FAM178B: variants seen among roughly 807,000 people sequenced by gnomAD.
FAM178B encodes the protein family with sequence similarity 178 member B, also known as protein FAM178B.
In FAM178B, 82 loss-of-function variants were observed where a neutral mutation model predicts 91.7. The ratio of observed to expected loss-of-function variants is 0.89; its 90% CI spans 0.75 to 1.07. The LOEUF is 1.07. Ranked by LOEUF, FAM178B falls within the 50% of genes least tolerant of loss-of-function variation. FAM178B has a pLI of 0.00. For synonymous variants in FAM178B, 368 were observed against 359.4 expected (o/e 1.02, Z -0.27); for missense variants, 769 against 846.7 (o/e 0.91, Z 1.14).
At chr2:96,944,661 T>C (rs1020659698) in intron 8 of FAM178B, among the ~76,000 whole-genome samples, 2 of 152,218 alleles carry the variant, frequency 1.3e-5, no homozygotes, top group Non-Finnish European at 2.9e-5. Flanking sequence ...TCTGAATTCC[T>C]TGTCATGTGA....
intron 14 of FAM178B, among the ~76,000 whole-genome samples, chr2:96,885,705 C>T (rs1031215820): frequency 6.6e-6 from 1 of 152,198 alleles, no homozygotes; most frequent in African/African-American, 2.4e-5. Context: ...TGGCTTCCTG[C>T]TGGTGGGGGT....
Position 96,972,305 on chromosome 2 carries a change from T to C in FAM178B, c.160A>G (p.Thr54Ala), listed in dbSNP as rs912299275. The C allele has an allele frequency of 1.4e-6, 2 of 1,466,010 alleles. No homozygotes were observed. The highest frequency in any genetic ancestry group is 1.4e-5 in the African/African-American group (1 of 70,202). The allele number at this position is 1,466,010 out of a possible 1,614,324, so 90.8% of individuals were successfully genotyped here. A position where few individuals can be genotyped will look rare whatever the true frequency, so the allele number is the denominator to read the frequency against. Reference sequence around the variant, plus strand: ...AGGTTGTACAGGAGGATGGGCACGGTGGCGGCAGCCTGCACCCCTGCAGAC... The same window carrying C: ...AGGTTGTACAGGAGGATGGGCACGGCGGCGGCAGCCTGCACCCCTGCAGAC... ...PLREGVQAAATVPILLYNLED... is the reference protein window; with the variant it reads ...PLREGVQAAAAVPILLYNLED... The change falls in exon 3 of 17, where the codon ACC (threonine) becomes GCC (alanine). Residue 54 changes from threonine (T) to alanine (A), a missense_variant. Coordinates refer to ENST00000490605, the MANE Select transcript of FAM178B (RefSeq NM_001122646.3).
At chr2:96,877,083 G>C (rs979794631) in intron 16 of FAM178B, among the ~76,000 whole-genome samples, 1 of 152,134 alleles carries the variant, frequency 6.6e-6, no homozygotes, top group African/African-American at 2.4e-5. Context: ...GGGGTTGTGT[G>C]GGTTCTTGAG....
At chr2:96,935,785 CA>C (rs1418189890) in intron 8 of FAM178B, among the ~76,000 whole-genome samples, 1 of 151,616 alleles carries the variant, frequency 6.6e-6, no homozygotes, top group Admixed American at 6.6e-5. Flanking sequence ...AGGCATGCAC[CA>C]CCACGCCTGG....
chr2:96,900,539 T>C (rs1471577114), intron 13 of FAM178B, among the ~76,000 whole-genome samples: 2 of 151,974 alleles, frequency 1.3e-5, no homozygotes, highest in African/African-American at 2.4e-5. Context: ...AAAACACAGA[T>C]GCTGAGCAAA....
chr2:96,910,330 C>T (rs959159591), intron 12 of FAM178B, among the ~76,000 whole-genome samples: 5 of 152,136 alleles, frequency 3.3e-5, no homozygotes, highest in Non-Finnish European at 4.4e-5. Context: ...GCCGTCCCAC[C>T]GGGGAGACGG....
chr2:96,909,245 C>T (rs906981101), intron 12 of FAM178B, among the ~76,000 whole-genome samples: 1 of 152,182 alleles, frequency 6.6e-6, no homozygotes, highest in African/African-American at 2.4e-5. Context: ...GCCACACCCC[C>T]AATAAGTGTT....
At chr2:96,970,603 C>T (rs1355184773) in intron 4 of FAM178B, 113 bp downstream of exon 4, 1 of 788,322 alleles carries the variant, frequency 1.3e-6, no homozygotes. Flanking sequence ...ACAGGGCAGG[C>T]TGAGTCTGGG....
intron 8 of FAM178B, among the ~76,000 whole-genome samples, chr2:96,945,078 CTCTT>C (rs1350200857): frequency 1.3e-5 from 2 of 152,220 alleles, no homozygotes; most frequent in Non-Finnish European, 2.9e-5. Context: ...CCCTGATCCT[CTCTT>C]TGCCATCTAG....
chr2:96,971,397 A>C (rs1271767108), intron 3 of FAM178B, among the ~76,000 whole-genome samples: 1 of 150,696 alleles, frequency 6.6e-6, no homozygotes, highest in Non-Finnish European at 1.5e-5. Flanking sequence ...GCTGAAACCC[A>C]TTCTTAGAAT....
Position 96,877,974 on chromosome 2 carries a change from C to T in FAM178B, c.1923G>A (p.Gln641=), listed in dbSNP as rs1435444256. The change falls in exon 16 of 17, where the codon CAG becomes CAA. Residue 641 remains glutamine, a synonymous_variant. Coordinates refer to ENST00000490605, the MANE Select transcript of FAM178B (RefSeq NM_001122646.3). ...HISTQIRESP[Q]AMHRTMLKDL... Reference sequence around the variant, plus strand: ...CCTTGAGCATGGTGCGGTGCATGGCCTGGGGGCTCTCCCGGATCTGCGTGC... The same window carrying T: ...CCTTGAGCATGGTGCGGTGCATGGCTTGGGGGCTCTCCCGGATCTGCGTGC... 3 of 1,613,628 alleles carry T rather than the reference C, an allele frequency of 1.9e-6. No homozygotes were observed. The Admixed American group carries it at 5.0e-5, about 27-fold the overall frequency.
chr2:96,878,186 G>A, intron 15 of FAM178B, 144 bp from the exon 16 acceptor site: 1 of 960,438 alleles, frequency 1.0e-6, no homozygotes, highest in Non-Finnish European at 1.6e-6. Flanking sequence ...GGAGGATGGG[G>A]CCAGCACAAC....
intron 1 of FAM178B, among the ~76,000 whole-genome samples, chr2:96,975,094 C>CTAA (rs2082272502): frequency 1.8e-5 from 1 of 56,270 alleles, no homozygotes; most frequent in Non-Finnish European, 2.7e-5. Flanking sequence ...GACTCTGTCT[C>CTAA]AAAAAAAAAA....
At chr2:96,974,109 G>A (rs558478176) in intron 1 of FAM178B, among the ~76,000 whole-genome samples, 56 of 151,962 alleles carry the variant, frequency 3.7e-4, no homozygotes, top group Non-Finnish European at 6.9e-4. Context: ...GGGGCTGGGC[G>A]CAGTGGCTCA....
intron 14 of FAM178B, among the ~76,000 whole-genome samples, chr2:96,884,476 G>C (rs965814568): frequency 6.6e-6 from 1 of 152,232 alleles, no homozygotes; most frequent in African/African-American, 2.4e-5. Flanking sequence ...CCCGGGGCAC[G>C]GTCTAGGTAT....
intron 8 of FAM178B, among the ~76,000 whole-genome samples, chr2:96,936,454 G>C (rs561413270): frequency 6.7e-6 from 1 of 149,492 alleles, no homozygotes; most frequent in African/African-American, 2.5e-5. Flanking sequence ...GCCCGCCTTG[G>C]CCTCCCAAAG....
chr2:96,880,838 C>T (rs868052647), intron 14 of FAM178B, among the ~76,000 whole-genome samples: 22 of 152,208 alleles, frequency 1.4e-4, no homozygotes, highest in Non-Finnish European at 3.1e-4. Context: ...TTGTGATCCG[C>T]CCGCCTCGGC....
At chr2:96,897,325 T>G (rs1457556202) in intron 13 of FAM178B, among the ~76,000 whole-genome samples, 2 of 152,180 alleles carry the variant, frequency 1.3e-5, no homozygotes, top group Non-Finnish European at 2.9e-5. Context: ...AACAAATGAT[T>G]GAATGAATAA....
intron 10 of FAM178B, among the ~76,000 whole-genome samples, chr2:96,922,266 C>T (rs1184125047): frequency 1.3e-5 from 2 of 152,228 alleles, no homozygotes; most frequent in Non-Finnish European, 2.9e-5. Context: ...CCACCTCTTA[C>T]TTAGCACATA....
Sources: gnomAD v4.1 joint callset for allele counts (sites outside exome capture counted in the v4.1 genomes callset) on GRCh38, gnomAD v4.1.1 for gene constraint, MANE v1.5 for transcripts, NCBI Gene and HGNC (gene_info 2026-07-23, HGNC 2026-07-21) for gene names.